Variants in HSP90AA1 observed in about 807,000 individuals in gnomAD.
HSP90AA1 encodes the protein heat shock protein 90 alpha family class A member 1.
A neutral mutation model predicts 73.3 loss-of-function variants in HSP90AA1; 18 were observed. The ratio of observed to expected loss-of-function variants is 0.25; its 90% CI spans 0.17 to 0.36. The LOEUF (loss-of-function observed/expected upper bound fraction) is 0.36. HSP90AA1 is among the 10% of genes least tolerant of loss of function. HSP90AA1 has a pLI of 1.00. For synonymous variants in HSP90AA1, 477 were observed against 296.9 expected (o/e 1.61, Z -6.24); for missense variants, 704 against 874.2 (o/e 0.81, Z 2.45).
Position 102,085,596 on chromosome 14 carries a change from G to A in HSP90AA1, c.529+162C>T, listed in dbSNP as rs532484825. The A allele has an allele frequency of 1.4e-4, 179 of 1,253,092 alleles. 1 individual carries two copies. The highest frequency in any genetic ancestry group is 1.8e-4 in the Non-Finnish European group (157 of 874,726). 77.6% of individuals were successfully genotyped at this position (1,253,092 alleles called of 1,614,324 possible). On this transcript the variant is annotated intron_variant, in intron 3 of 10. Coordinates refer to ENST00000216281, the MANE Select transcript of HSP90AA1 (RefSeq NM_005348.4). ...GCAAGGTGCCTCGCCCAAAAGAACC[G>A]CCCACCAAGTCATGCCATTACACTA...
At chr14:102,098,322 CG>C (rs1420486530) in intron 2 of HSP90AA1, among the ~76,000 whole-genome samples, 1 of 151,554 alleles carries the variant, frequency 6.6e-6, no homozygotes, top group Non-Finnish European at 1.5e-5. Context: ...CCACCACGCC[CG>C]GCTAATTTTT....
At chr14:102,098,726 T>C (rs1349243050) in intron 2 of HSP90AA1, among the ~76,000 whole-genome samples, 1 of 151,840 alleles carries the variant, frequency 6.6e-6, no homozygotes, top group African/African-American at 2.4e-5. Context: ...TCCCCCAAAG[T>C]GCTCTGTCGC....
In HSP90AA1 at chr14:102,082,607, A is replaced by G. The variant is rs2049124311; in HGVS notation, c.1756-163T>C. 1.7e-5 allele frequency: 11 copies of G among 651,664 alleles called. No individual in the cohort carries two copies. The East Asian group carries it at 3.0e-4, about 18-fold the overall frequency. 40.4% of individuals were successfully genotyped at this position (651,664 alleles called of 1,614,324 possible). A position where few individuals can be genotyped will look rare whatever the true frequency, so the allele number is the denominator to read the frequency against. On this transcript the variant is annotated intron_variant, in intron 9 of 10. Transcript: ENST00000216281. The stretch of plus-strand genomic sequence containing the variant: ...AGGTATCCAAAGAGCACAGGTTATA[A>G]TTTCATGTTTTACATGCACAATTTT...
chr14:102,127,227 C>T (rs536844133), intron 1 of HSP90AA1, among the ~76,000 whole-genome samples: 2 of 152,106 alleles, frequency 1.3e-5, no homozygotes, highest in Non-Finnish European at 2.9e-5. Context: ...TAAGCTTGAA[C>T]GTCCTTGCTC....
chr14:102,084,227 G>GTA lies in HSP90AA1; in HGVS notation c.1147+170_1147+171dup, dbSNP rs1051833546. 8 of 698,728 alleles carry GTA rather than the reference G, an allele frequency of 1.1e-5. No individual in the cohort carries two copies. The African/African-American group carries it at 1.3e-4, about 11-fold the overall frequency. 43.3% of individuals were successfully genotyped at this position (698,728 alleles called of 1,614,324 possible). A position where few individuals can be genotyped will look rare whatever the true frequency, so the allele number is the denominator to read the frequency against. ...ACATGGGGCTAATTTTTGTAATTTA[G>GTA]TAGAGATGGGGTTTCACCATGTTGC... On this transcript the variant is annotated intron_variant, in intron 6 of 10. Transcript: ENST00000216281.
intron 1 of HSP90AA1, chr14:102,139,112 C>T (rs1026888985): frequency 2.8e-6 from 3 of 1,072,080 alleles, no homozygotes; most frequent in African/African-American, 3.1e-5. Context: ...CGCTAAGAAG[C>T]GGAGGCCGCC....
In HSP90AA1 at chr14:102,114,294, G is replaced by C. The variant is rs771326604; in HGVS notation, c.156-12209C>G. 1.1e-4 allele frequency among the ~76,000 whole-genome samples: 17 copies of C among 152,082 alleles called. 1 individual carries two copies. Among genetic ancestry groups the C allele is most frequent in the Admixed American group, 3.3e-4 (5 of 15,254 alleles). ...ATTACAGGTGTGAGCCACTGCACCT[G>C]GCCATGTCATTTATTTTGATCTCTA... is the stretch of plus-strand genomic sequence containing the variant. On this transcript the variant is annotated intron_variant, in intron 1 of 11. Transcript: ENST00000334701.
At chr14:102,138,741 C>A (rs1362760332) in intron 1 of HSP90AA1, among the ~76,000 whole-genome samples, 1 of 152,182 alleles carries the variant, frequency 6.6e-6, no homozygotes, top group Admixed American at 6.5e-5. Flanking sequence ...GGCTTCCCCC[C>A]TCCCTGGAAT....
At chr14:102,120,749 C>A (rs1208575516) in intron 1 of HSP90AA1, among the ~76,000 whole-genome samples, 1 of 151,736 alleles carries the variant, frequency 6.6e-6, no homozygotes, top group Non-Finnish European at 1.5e-5. Context: ...TCAAGACCAG[C>A]CTGGCCAACA....
Position 102,083,820 on chromosome 14 carries a change from G to A in HSP90AA1, c.1311C>T (p.Phe437=), listed in dbSNP as rs572279639. 2.4e-4 allele frequency: 389 copies of A among 1,612,582 alleles called. 3 individuals carry two copies. The South Asian group carries it at 4.1e-3, about 17-fold the overall frequency. The change falls in exon 7 of 11, where the codon TTC becomes TTT. Residue 437 remains phenylalanine (F), a synonymous_variant. Coordinates refer to ENST00000216281, the MANE Select transcript of HSP90AA1 (RefSeq NM_005348.4). ...TTATGTTTTTAGAGAACTGCTCATA[G>A]AATTTCTTGTAGTTCTCTTTATCTT... ...LAEDKENYKK[F]YEQFSKNIKL...
rs183528853 is a variant in HSP90AA1, at chr14:102,106,587, C to T, written c.156-4502G>A. Among the ~76,000 whole-genome samples the T allele has an allele frequency of 2.7e-3, 371 of 136,312 alleles. 10 individuals carry two copies. Among genetic ancestry groups the T allele is most frequent in the Admixed American group, 0.027 (320 of 12,030 alleles). The allele number at this position is 136,312 out of a possible 152,430, so 89.4% of individuals were successfully genotyped here. The stretch of plus-strand genomic sequence containing the variant: ...TGAGACAGAGTCTCTCTCTGTCGCC[C>T]GGGCTGGAGTGCAGTGGCACAACTC... On this transcript the variant is annotated intron_variant, in intron 1 of 11. Transcript: ENST00000334701.
intron 1 of HSP90AA1, 48 bp downstream of exon 1, chr14:102,086,938 G>A (rs2049256062): frequency 2.1e-6 from 2 of 949,986 alleles, no homozygotes; most frequent in Non-Finnish European, 2.5e-6. Context: ...GCCGCCCCCA[G>A]TCCCGGTCCC....
intron 1 of HSP90AA1, among the ~76,000 whole-genome samples, chr14:102,114,030 A>G (rs1224005708): frequency 6.8e-6 from 1 of 146,538 alleles, no homozygotes; most frequent in East Asian, 2.0e-4. Context: ...TTATTTATTT[A>G]TTTTTTGTTA....
chr14:102,085,595 C>G, intron 3 of HSP90AA1, 163 bp downstream of exon 3: 1 of 1,253,606 alleles, frequency 8.0e-7, no homozygotes, highest in Non-Finnish European at 1.1e-6. Context: ...CCAAAAGAAC[C>G]GCCCACCAAG....
At position 102,085,308 on chromosome 14, in the gene HSP90AA1, A is replaced by G. The variant is rs1461108713; in HGVS notation, c.653T>C (p.Ile218Thr). Residue 218 changes from isoleucine to threonine, a missense_variant, in exon 4 of 11, where the codon ATT (isoleucine) becomes ACT (threonine). Ile to Thr is a moderately conservative substitution (Grantham distance 89, BLOSUM62 -1). Transcript: ENST00000216281. ...KKHSQFIGYP[I>T]TLFVEKERDK... ...TACATAAAAACTTACAAAAAGAGTA[A>G]TGGGATATCCAATAAACTGAGAATG... is the stretch of plus-strand genomic sequence containing the variant. 6.2e-7 allele frequency: 1 copy of G among 1,612,050 alleles called. No individual in the cohort carries two copies. Among genetic ancestry groups the G allele is most frequent in the Non-Finnish European group, 8.5e-7 (1 of 1,178,636 alleles).
Position 102,086,140 on chromosome 14 carries a change from A to T in HSP90AA1, c.163-16T>A. 1 of 1,614,000 alleles carries T rather than the reference A, an allele frequency of 6.2e-7. No individual in the cohort carries two copies. On this transcript the variant is annotated splice_polypyrimidine_tract_variant and intron_variant, in intron 2 of 10. Coordinates refer to ENST00000216281, the MANE Select transcript of HSP90AA1 (RefSeq NM_005348.4). ...TGTCCAATGCCTGTTAACAAAAAAT[A>T]TTAATTTAAGCATACAGCACCCCCA... is the stretch of plus-strand genomic sequence containing the variant.
At chr14:102,082,683 C>T (rs1262510301) in intron 9 of HSP90AA1, 2 of 542,420 alleles carry the variant, frequency 3.7e-6, no homozygotes, top group Non-Finnish European at 3.3e-6. Context: ...TGCAGTGGTG[C>T]GATCTTGGCT....
At chr14:102,133,920 G>A (rs1018686643) in intron 1 of HSP90AA1, among the ~76,000 whole-genome samples, 3 of 152,134 alleles carry the variant, frequency 2.0e-5, no homozygotes, top group Non-Finnish European at 4.4e-5. Context: ...GGAGGCAGAG[G>A]TGGGTTGATT....
chr14:102,116,258 C>A (rs971319062), intron 1 of HSP90AA1, among the ~76,000 whole-genome samples: 2 of 152,150 alleles, frequency 1.3e-5, no homozygotes, highest in Non-Finnish European at 2.9e-5. Flanking sequence ...CGGCCAAGAC[C>A]GAGCATCTTT....
Sources: gnomAD v4.1 joint callset for allele counts (sites outside exome capture counted in the v4.1 genomes callset) on GRCh38, gnomAD v4.1.1 for gene constraint, MANE v1.5 for transcripts, NCBI Gene and HGNC (gene_info 2026-07-23, HGNC 2026-07-21) for gene names.